SLC11A1: variants seen among roughly 807,000 people sequenced by gnomAD.
The protein encoded by SLC11A1 is natural resistance-associated macrophage protein 1.
A neutral mutation model predicts 63.2 loss-of-function variants in SLC11A1; 59 were observed. That is an observed-to-expected ratio of 0.93 (90% CI 0.76 to 1.16). The LOEUF (loss-of-function observed/expected upper bound fraction) is 1.16. Among genes scored for constraint, SLC11A1 ranks in the 50% most tolerant of loss-of-function variants. The pLI is 0.00. For missense variants in SLC11A1, 688 were observed against 730.7 expected, an observed-to-expected ratio of 0.94 and a Z score of 0.67; for synonymous variants, 305 against 307.8, an observed-to-expected ratio of 0.99 and a Z score of 0.09.
intron 7 of SLC11A1, 51 bp from the exon 8 acceptor site, chr2:218,387,749 C>G (rs773240966): frequency 6.2e-7 from 1 of 1,611,884 alleles, no homozygotes; most frequent in East Asian, 2.2e-5. Context: ...ATGGTGACCG[C>G]GGCGTGGTTG....
chr2:218,387,776 T>C (rs1458616782), intron 7 of SLC11A1, 24 bp from the exon 8 acceptor site: 1 of 1,611,186 alleles, frequency 6.2e-7, no homozygotes, highest in East Asian at 2.2e-5. Flanking sequence ...GCGGGGCTTG[T>C]CCTGACCAGG....
intron 9 of SLC11A1, 53 bp downstream of exon 9, chr2:218,390,081 A>C: frequency 6.4e-7 from 1 of 1,562,856 alleles, no homozygotes; most frequent in Non-Finnish European, 8.7e-7. Context: ...CATGTCCTGT[A>C]AGCCTTGCCG....
At chr2:218,385,558 T>G (rs561473423) in intron 4 of SLC11A1, 2 of 432,686 alleles carry the variant, frequency 4.6e-6, no homozygotes, top group South Asian at 3.5e-5. Flanking sequence ...CATCGGCTAA[T>G]TTTTGTATTT....
Position 218,396,413 on chromosome 2 carries a change from C to CT in SLC11A1, c.*1378_*1379insT, listed in dbSNP as rs1696770891. The CT allele has an allele frequency of 6.6e-6, 1 of 152,438 alleles. No individual in the cohort carries two copies. The highest frequency in any genetic ancestry group is 2.1e-4 in the South Asian group (1 of 4,838). The allele number at this position is 152,438 out of a possible 1,614,324, so 9.4% of individuals were successfully genotyped here. The stretch of plus-strand genomic sequence containing the variant: ...GAGGGCCGCAGCGAGGAGAGGCCAA[C>CT]AGGCCTTTCCCTAGAGTTGAACCTG... On this transcript the variant is annotated 3_prime_UTR_variant, in exon 15 of 15. Transcript: ENST00000233202.
At chr2:218,388,658 C>T (rs1038346048) in intron 8 of SLC11A1, among the ~76,000 whole-genome samples, 5 of 149,562 alleles carry the variant, frequency 3.3e-5, no homozygotes, top group African/African-American at 1.2e-4. Context: ...GAAAATTAGC[C>T]GGAAGTGGTG....
At chr2:218,389,251 T>C (rs1346887016) in intron 8 of SLC11A1, among the ~76,000 whole-genome samples, 1 of 152,054 alleles carries the variant, frequency 6.6e-6, no homozygotes, top group Non-Finnish European at 1.5e-5. Context: ...CAAAGGCCAC[T>C]GGCAGAAGTG....
chr2:218,386,632 T>C lies in SLC11A1; in HGVS notation c.394-3T>C. ...TTAATGAAGGATCATCTCCTCCCCA[T>C]AGGTGCCCCGCACCGTCCTCTGGCT... On this transcript the variant is annotated splice_polypyrimidine_tract_variant and splice_region_variant and intron_variant, in intron 4 of 14. Coordinates refer to ENST00000233202, the MANE Select transcript of SLC11A1 (RefSeq NM_000578.4). 1 of 1,610,222 alleles carries C rather than the reference T, an allele frequency of 6.2e-7. No individual in the cohort carries two copies. The highest frequency in any genetic ancestry group is 1.7e-4 in the Middle Eastern group (1 of 6,054).
At chr2:218,392,197 A>G in intron 11 of SLC11A1, 2 of 309,276 alleles carry the variant, frequency 6.5e-6, no homozygotes, top group Non-Finnish European at 1.3e-5. Context: ...CAGCCTCCTG[A>G]CCAGCTGGGA....
chr2:218,385,188 C>T lies in SLC11A1; in HGVS notation c.315C>T (p.Leu105=). Residue 105 remains leucine, a synonymous_variant, in exon 4 of 15, where the codon CTC becomes CTT. Coordinates refer to ENST00000233202, the MANE Select transcript of SLC11A1 (RefSeq NM_000578.4). ...VLLWATVLGL[L]CQRLAARLGV... ...TCTGGGCCACCGTGTTGGGCTTGCT[C>T]TGCCAGCGACTGGCTGCACGTCTGG... 6.2e-7 allele frequency: 1 copy of T among 1,614,068 alleles called. No individual in the cohort carries two copies. The highest frequency in any genetic ancestry group is 1.3e-5 in the African/African-American group (1 of 75,066).
chr2:218,391,476 C>T lies in SLC11A1; in HGVS notation c.1145C>T (p.Ala382Val), dbSNP rs371359025. 46 of 1,601,802 alleles carry T rather than the reference C, an allele frequency of 2.9e-5. No individual in the cohort carries two copies. The highest frequency in any genetic ancestry group is 1.7e-4 in the Middle Eastern group (1 of 5,938). ...AGCTCCACCATGACGGGCACCTACGCGGGACAGTTCGTGATGGAGGTAGGG... is the reference window on the plus strand; with the variant it reads ...AGCTCCACCATGACGGGCACCTACGTGGGACAGTTCGTGATGGAGGTAGGG... ...GQSSTMTGTY[A>V]GQFVMEGFLR... is the part of the protein sequence containing the mutation. The change falls in exon 11 of 15, where the codon GCG becomes GTG. Residue 382 changes from alanine to valine, a missense_variant. Ala to Val is a moderately conservative substitution (Grantham distance 64). Coordinates refer to ENST00000233202, the MANE Select transcript of SLC11A1 (RefSeq NM_000578.4).
intron 8 of SLC11A1, among the ~76,000 whole-genome samples, chr2:218,388,695 G>C (rs561875584): frequency 1.3e-5 from 2 of 152,182 alleles, no homozygotes; most frequent in South Asian, 4.2e-4. Context: ...CCAGCTACTC[G>C]GGAGGCTGAG....
At position 218,385,105 on chromosome 2, in the gene SLC11A1, G is replaced by A. The variant is rs17215577; in HGVS notation, c.274-42G>A. ...ACCACGAGCTCAGGGGCTTTCTGAG[G>A]CTGGCCTCTCTGGCTGAAGGCCTCT... On this transcript the variant is annotated intron_variant, in intron 3 of 14. Transcript: ENST00000233202. 419 of 1,610,430 alleles carry A rather than the reference G, an allele frequency of 2.6e-4. 2 individuals carry two copies. The East Asian group carries it at 7.0e-3, about 27-fold the overall frequency.
At chr2:218,392,024 G>A in intron 11 of SLC11A1, 1 of 324,454 alleles carries the variant, frequency 3.1e-6, no homozygotes, top group South Asian at 2.2e-5. Context: ...CTGAAGTGCT[G>A]GGATTATAGG....
At chr2:218,388,135 G>GTTTTTTAAT in intron 8 of SLC11A1, 180 bp downstream of exon 8, 68 of 674,362 alleles carry the variant, frequency 1.0e-4, no homozygotes, top group Middle Eastern at 4.2e-4. Context: ...TTTGGGAGGC[G>GTTTTTTAAT]GAGGCGGGCG....
chr2:218,387,756 G>C, intron 7 of SLC11A1, 44 bp from the exon 8 acceptor site: 1 of 1,612,050 alleles, frequency 6.2e-7, no homozygotes, highest in Non-Finnish European at 8.5e-7. Flanking sequence ...CCGCGGCGTG[G>C]TTGCGAGGGG....
intron 8 of SLC11A1, 82 bp downstream of exon 8, chr2:218,388,037 C>A: frequency 7.1e-7 from 1 of 1,406,946 alleles, no homozygotes; most frequent in African/African-American, 1.4e-5. Flanking sequence ...GAGCCCCTCC[C>A]CTCTGGCTCC....
chr2:218,393,124 C>A lies in SLC11A1; in HGVS notation c.1308C>A (p.Ser436Arg). Reference protein sequence around the residue: ...GLNDLLNVLQSLLLPFAVLPI... With the variant: ...GLNDLLNVLQRLLLPFAVLPI... ...ATGATCTGCTCAACGTGCTGCAGAG[C>A]CTGCTGGTGAGATGCGCCAACCCCA... Residue 436 changes from serine (S) to arginine (R), a missense_variant, in exon 12 of 15, where the codon AGC becomes AGA. Transcript: ENST00000233202. 1 of 1,569,142 alleles carries A rather than the reference C, an allele frequency of 6.4e-7. No individual in the cohort carries two copies. The highest frequency in any genetic ancestry group is 1.2e-5 in the South Asian group (1 of 86,722).
chr2:218,393,760 G>A (rs1331029068), intron 12 of SLC11A1, among the ~76,000 whole-genome samples: 1 of 151,926 alleles, frequency 6.6e-6, no homozygotes, highest in East Asian at 1.9e-4. Flanking sequence ...TTACAGGCAT[G>A]AGCCACTGAG....
intron 5 of SLC11A1, 47 bp from the exon 6 acceptor site, chr2:218,387,113 G>GAGAC (rs1696146859): frequency 6.4e-7 from 1 of 1,560,588 alleles, no homozygotes; most frequent in Non-Finnish European, 8.8e-7. Flanking sequence ...GTAGGAGTTA[G>GAGAC]AGACCCCTGG....
Sources: allele counts gnomAD v4.1 joint callset (sites outside exome capture counted in the v4.1 genomes callset), GRCh38; gene constraint gnomAD v4.1.1; transcripts MANE v1.5; gene names NCBI Gene and HGNC (gene_info 2026-07-23, HGNC 2026-07-21).